CD300LD: variants seen among roughly 807,000 people sequenced by gnomAD.
CD300LD encodes the protein CD300 molecule like family member d.
Under a neutral mutation model 20.3 loss-of-function variants are expected in CD300LD, and 18 were observed. That is an observed-to-expected ratio of 0.89 (90% CI 0.61 to 1.32). The LOEUF is 1.32. Among genes scored for constraint, CD300LD ranks in the 40% most tolerant of loss-of-function variants. The probability of loss-of-function intolerance (pLI) is 0.00; values close to 1 mark genes in which losing one functional copy is unlikely to be tolerated. For missense variants in CD300LD, 195 were observed against 226.6 expected, an observed-to-expected ratio of 0.86 and a Z score of 0.90; for synonymous variants, 104 against 90.1, an observed-to-expected ratio of 1.15 and a Z score of -0.87.
intron 2 of CD300LD, among the ~76,000 whole-genome samples, chr17:74,587,425 T>G (rs1313619327): frequency 2.6e-5 from 4 of 152,250 alleles, no homozygotes; most frequent in Non-Finnish European, 5.9e-5. Flanking sequence ...TGTTGTAATG[T>G]TACCTCTCTC....
At position 74,591,145 on chromosome 17, in the gene CD300LD, G is replaced by A. The variant is rs777255590; in HGVS notation, c.40+1018C>T. ...ATATAAATTTGAAGCCAGGCATGGTGGCTCACACCTATAATCCCAGCACTT... is the reference window on the plus strand; with the variant it reads ...ATATAAATTTGAAGCCAGGCATGGTAGCTCACACCTATAATCCCAGCACTT... On this transcript the variant is annotated intron_variant, in intron 1 of 3. Coordinates refer to ENST00000375352, the MANE Select transcript of CD300LD (RefSeq NM_001115152.2). 6.5e-4 allele frequency among the ~76,000 whole-genome samples: 98 copies of A among 151,698 alleles called. 2 individuals carry two copies. The highest frequency in any genetic ancestry group is 5.3e-4 in the Non-Finnish European group (36 of 67,914).
intron 2 of CD300LD, 121 bp downstream of exon 2, chr17:74,588,390 G>A (rs1423017123): frequency 1.5e-6 from 1 of 657,288 alleles, no homozygotes; most frequent in African/African-American, 1.8e-5. Context: ...CAAGACCTCA[G>A]GACTCAGACA....
chr17:74,592,035 A>G (rs2030331772), intron 1 of CD300LD, 128 bp downstream of exon 1: 1 of 1,592,000 alleles, frequency 6.3e-7, no homozygotes, highest in African/African-American at 1.3e-5. Flanking sequence ...TATTTAATGA[A>G]TATGGGCATG....
At chr17:74,590,213 C>T (rs1296905924) in intron 1 of CD300LD, among the ~76,000 whole-genome samples, 1 of 152,160 alleles carries the variant, frequency 6.6e-6, no homozygotes, top group Admixed American at 6.5e-5. Flanking sequence ...CTCTCATTCT[C>T]TCTCTTGCCT....
chr17:74,585,786 T>C (rs138343633), intron 2 of CD300LD, among the ~76,000 whole-genome samples: 234 of 152,346 alleles, frequency 1.5e-3, no homozygotes, highest in Middle Eastern at 3.4e-3. Context: ...TGTCTGCTAG[T>C]GCATACCTGA....
chr17:74,592,211 C>T lies in CD300LD; in HGVS notation c.-9G>A, dbSNP rs753926207. 1.9e-6 allele frequency: 3 copies of T among 1,609,002 alleles called. No individual in the cohort carries two copies. Among genetic ancestry groups the T allele is most frequent in the African/African-American group, 1.3e-5 (1 of 74,824 alleles). On this transcript the variant is annotated 5_prime_UTR_variant, in exon 1 of 4. Coordinates refer to ENST00000375352, the MANE Select transcript of CD300LD (RefSeq NM_001115152.2). ...GATGGGGACAGCCACATGGTCCTGT[C>T]TCCTCTCCTCTCCTTGGTGATCACA...
chr17:74,581,578 TC>T (rs1030842123), intron 3 of CD300LD, among the ~76,000 whole-genome samples: 1 of 152,188 alleles, frequency 6.6e-6, no homozygotes, highest in Non-Finnish European at 1.5e-5. Flanking sequence ...CTTCCCCCTT[TC>T]CCTCTAGCAT....
At chr17:74,582,684 C>T (rs955422579) in intron 2 of CD300LD, among the ~76,000 whole-genome samples, 7 of 152,324 alleles carry the variant, frequency 4.6e-5, no homozygotes, top group Non-Finnish European at 8.8e-5. Context: ...GTGGCCCCCT[C>T]GCTGAGCCAC....
intron 2 of CD300LD, among the ~76,000 whole-genome samples, chr17:74,586,102 C>T (rs746416142): frequency 2.6e-4 from 40 of 152,312 alleles, no homozygotes; most frequent in Admixed American, 7.8e-4. Context: ...CATACTGCGG[C>T]TACAGAAATG....
At chr17:74,589,565 G>A (rs952031721) in intron 1 of CD300LD, among the ~76,000 whole-genome samples, 3 of 152,158 alleles carry the variant, frequency 2.0e-5, no homozygotes, top group East Asian at 1.9e-4. Context: ...GGTGAGGAAC[G>A]GGCATACCTA....
chr17:74,590,273 C>T (rs2030276276), intron 1 of CD300LD, among the ~76,000 whole-genome samples: 2 of 152,106 alleles, frequency 1.3e-5, no homozygotes, highest in African/African-American at 4.8e-5. Context: ...TGTGAGGCCT[C>T]CCCAGTCATG....
At position 74,592,135 on chromosome 17, in the gene CD300LD, A is replaced by G. The variant is rs758732182; in HGVS notation, c.40+28T>C. 15 of 1,614,066 alleles carry G rather than the reference A, an allele frequency of 9.3e-6. No individual in the cohort carries two copies. In the Admixed American group the frequency reaches 1.7e-4, roughly 18 times the overall value. On this transcript the variant is annotated intron_variant, in intron 1 of 3. Transcript: ENST00000375352. ...TCTCCAAGCCAGCCGCTGTCATTCCAGTGCCTTAAAGCTCCAGCCACACTC... is the reference window on the plus strand; with the variant it reads ...TCTCCAAGCCAGCCGCTGTCATTCCGGTGCCTTAAAGCTCCAGCCACACTC...
At chr17:74,587,416 G>T (rs1004505952) in intron 2 of CD300LD, among the ~76,000 whole-genome samples, 2 of 152,116 alleles carry the variant, frequency 1.3e-5, no homozygotes, top group African/African-American at 4.8e-5. Context: ...TATAAAATCT[G>T]TTGTAATGTT....
Position 74,587,149 on chromosome 17 carries a change from C to CAA in CD300LD, c.379+1360_379+1361dup, listed in dbSNP as rs56389324. ...AGGCAACAAGAGCGAAACTCCATCT[C>CAA]AAAAAAAAAAAAATTGATATTATCC... On this transcript the variant is annotated intron_variant, in intron 2 of 3. Coordinates refer to ENST00000375352, the MANE Select transcript of CD300LD (RefSeq NM_001115152.2). Among the ~76,000 whole-genome samples the CAA allele has an allele frequency of 8.3e-3, 1,160 of 139,612 alleles. 28 individuals carry two copies. Among genetic ancestry groups the CAA allele is most frequent in the East Asian group, 0.079 (389 of 4,904 alleles). The allele number at this position is 139,612 out of a possible 152,430, so 91.6% of individuals were successfully genotyped here. A position where few individuals can be genotyped will look rare whatever the true frequency, so the allele number is the denominator to read the frequency against.
Position 74,592,248 on chromosome 17 carries a change from C to T in CD300LD, c.-46G>A, listed in dbSNP as rs1423111807. 3.1e-6 allele frequency: 5 copies of T among 1,614,082 alleles called. No individual in the cohort carries two copies. The highest frequency in any genetic ancestry group is 4.2e-6 in the Non-Finnish European group (5 of 1,179,958). ...CCTTGGTGATCACAGGTGTCTGGTGCCCTTCAGGGACTTGAATCCAAGCTC... is the reference window on the plus strand; with the variant it reads ...CCTTGGTGATCACAGGTGTCTGGTGTCCTTCAGGGACTTGAATCCAAGCTC... On this transcript the variant is annotated 5_prime_UTR_variant, in exon 1 of 4. Transcript: ENST00000375352.
chr17:74,586,802 A>C (rs982041813), intron 2 of CD300LD, among the ~76,000 whole-genome samples: 7 of 152,230 alleles, frequency 4.6e-5, no homozygotes, highest in African/African-American at 9.6e-5. Context: ...CCTTAGTCCC[A>C]GGAGTTATTG....
intron 1 of CD300LD, among the ~76,000 whole-genome samples, chr17:74,591,659 T>G (rs958710524): frequency 6.6e-6 from 1 of 152,114 alleles, no homozygotes; most frequent in African/African-American, 2.4e-5. Context: ...CATTGACAAA[T>G]GACTGGAGAA....
At chr17:74,586,663 T>C (rs982469768) in intron 2 of CD300LD, among the ~76,000 whole-genome samples, 4 of 152,140 alleles carry the variant, frequency 2.6e-5, no homozygotes, top group African/African-American at 9.7e-5. Flanking sequence ...GATCTCCCAG[T>C]CAGAGAACAG....
chr17:74,580,035 G>A lies in CD300LD; in HGVS notation c.552C>T (p.Val184=). 1 of 1,613,332 alleles carries A rather than the reference G, an allele frequency of 6.2e-7. No individual in the cohort carries two copies. The highest frequency in any genetic ancestry group is 8.5e-7 in the Non-Finnish European group (1 of 1,179,648). Residue 184 remains valine, a synonymous_variant, in exon 4 of 4, where the codon GTC becomes GTT. Transcript: ENST00000375352. ...LPLLLSMLGT[V]LWVNRPQRRS ...TTCTTTGTGGTCTGTTTACCCAGAGGACGGTCCCCAGCATGCTCAGGAGCA... is the reference window on the plus strand; with the variant it reads ...TTCTTTGTGGTCTGTTTACCCAGAGAACGGTCCCCAGCATGCTCAGGAGCA...
Sources: gnomAD v4.1 joint callset for allele counts (sites outside exome capture counted in the v4.1 genomes callset) on GRCh38, gnomAD v4.1.1 for gene constraint, MANE v1.5 for transcripts, NCBI Gene and HGNC (gene_info 2026-07-23, HGNC 2026-07-21) for gene names.